Variants in GPC5 observed in about 807,000 individuals in gnomAD.
GPC5 encodes glypican-5.
GPC5 carries 47 observed loss-of-function variants against 53.9 expected under a neutral mutation model. The observed-to-expected ratio is 0.87, with a 90% CI of 0.69 to 1.11. The LOEUF is 1.11. Among genes scored for constraint, GPC5 ranks in the 50% most tolerant of loss-of-function variants. The pLI is 0.00. For missense variants in GPC5, 748 were observed against 713.1 expected (o/e 1.05, Z -0.56); for synonymous variants, 286 against 263.3 (o/e 1.09, Z -0.84).
At chr13:92,145,890 G>A (rs1460053252) in intron 7 of GPC5, among the ~76,000 whole-genome samples, 2 of 152,042 alleles carry the variant, frequency 1.3e-5, no homozygotes, top group Non-Finnish European at 2.9e-5. Context: ...CCTTTTGGTG[G>A]GAGAAGAATT....
At chr13:92,633,158 G>T (rs1396551449) in intron 7 of GPC5, among the ~76,000 whole-genome samples, 3 of 152,140 alleles carry the variant, frequency 2.0e-5, no homozygotes, top group Non-Finnish European at 2.9e-5. Context: ...CTCCCAAAGT[G>T]CTGGGATTAC....
At chr13:92,110,451 T>G (rs1460621061) in intron 6 of GPC5, among the ~76,000 whole-genome samples, 1 of 152,104 alleles carries the variant, frequency 6.6e-6, no homozygotes, top group Non-Finnish European at 1.5e-5. Context: ...ATGGCATATT[T>G]AAGGGTATTC....
At chr13:92,421,539 A>G (rs568742967) in intron 7 of GPC5, among the ~76,000 whole-genome samples, 6 of 151,958 alleles carry the variant, frequency 3.9e-5, no homozygotes, top group African/African-American at 1.4e-4. Flanking sequence ...CTCTACTAGA[A>G]ATACAAAAAA....
intron 6 of GPC5, 98 bp downstream of exon 6, chr13:91,908,155 T>C (rs1406667154): frequency 5.1e-6 from 5 of 983,780 alleles, no homozygotes; most frequent in East Asian, 5.7e-5. Flanking sequence ...TGTCAGATAA[T>C]CCTACCTAAA....
At chr13:92,078,829 C>G (rs537221740) in intron 6 of GPC5, among the ~76,000 whole-genome samples, 1 of 152,156 alleles carries the variant, frequency 6.6e-6, no homozygotes, top group Non-Finnish European at 1.5e-5. Context: ...ACTACACTAT[C>G]TCCGTCCCGT....
chr13:92,760,681 G>T (rs1382025734), intron 7 of GPC5, among the ~76,000 whole-genome samples: 1 of 148,794 alleles, frequency 6.7e-6, no homozygotes, highest in Admixed American at 6.7e-5. Flanking sequence ...TTTTATTATT[G>T]CCTTCCCTCT....
intron 6 of GPC5, among the ~76,000 whole-genome samples, chr13:92,069,780 C>G (rs529581165): frequency 6.6e-6 from 1 of 152,110 alleles, no homozygotes; most frequent in Non-Finnish European, 1.5e-5. Context: ...GGATAGAATT[C>G]CCATTTAGGA....
At chr13:91,483,851 CAG>C (rs551141076) in intron 2 of GPC5, among the ~76,000 whole-genome samples, 151 of 152,218 alleles carry the variant, frequency 9.9e-4, no homozygotes, top group Non-Finnish European at 1.7e-3. Context: ...GTGAACAAAA[CAG>C]AATTATTCTA....
intron 7 of GPC5, among the ~76,000 whole-genome samples, chr13:92,753,598 T>G (rs543551227): frequency 6.6e-6 from 1 of 152,020 alleles, no homozygotes; most frequent in Admixed American, 6.5e-5. Flanking sequence ...TTTAGAAGAA[T>G]GTATAACTAG....
At chr13:92,344,127 T>G (rs2043390252) in intron 7 of GPC5, among the ~76,000 whole-genome samples, 2 of 151,956 alleles carry the variant, frequency 1.3e-5, no homozygotes, top group African/African-American at 4.8e-5. Context: ...AGAAAAGAGG[T>G]TTAATTGACT....
intron 6 of GPC5, among the ~76,000 whole-genome samples, chr13:92,109,035 C>G (rs1213478810): frequency 1.3e-5 from 2 of 150,178 alleles, no homozygotes; most frequent in East Asian, 3.9e-4. Context: ...TCTTGTAGCG[C>G]CTTCTATGTA....
At chr13:92,165,515 G>A (rs4238300) in intron 7 of GPC5, among the ~76,000 whole-genome samples, 39,610 of 152,048 alleles carry the variant, frequency 0.26, 6,704 homozygotes, top group South Asian at 0.59. Flanking sequence ...TGACAGGAGA[G>A]AGAATGAGAG....
chr13:92,394,267 T>C (rs966376814), intron 7 of GPC5, among the ~76,000 whole-genome samples: 4 of 152,152 alleles, frequency 2.6e-5, no homozygotes, highest in African/African-American at 7.2e-5. Context: ...TCTATACATA[T>C]TTTGTGTGTG....
At chr13:92,035,084 A>G (rs947001092) in intron 6 of GPC5, among the ~76,000 whole-genome samples, 12 of 152,000 alleles carry the variant, frequency 7.9e-5, no homozygotes, top group South Asian at 2.1e-4. Flanking sequence ...TTGTGATGGC[A>G]GGCGCCTGTT....
At chr13:92,395,340 TATG>T (rs1192089311) in intron 7 of GPC5, among the ~76,000 whole-genome samples, 4 of 152,286 alleles carry the variant, frequency 2.6e-5, no homozygotes, top group Admixed American at 1.3e-4. Context: ...CTTCAAATAA[TATG>T]ATAACACTTC....
chr13:91,424,949 C>G (rs1878936036), intron 1 of GPC5, among the ~76,000 whole-genome samples: 1 of 152,112 alleles, frequency 6.6e-6, no homozygotes, highest in Non-Finnish European at 1.5e-5. Flanking sequence ...CTTAGTTAAA[C>G]CCTTGACTAG....
chr13:92,805,281 G>A (rs1590556), intron 7 of GPC5, among the ~76,000 whole-genome samples: 26,738 of 151,930 alleles, frequency 0.18, 3,432 homozygotes, highest in African/African-American at 0.35. Context: ...TATTTCTTAA[G>A]TAAGAAGACT....
intron 6 of GPC5, among the ~76,000 whole-genome samples, chr13:92,132,791 A>G (rs779238534): frequency 2.6e-5 from 4 of 152,268 alleles, no homozygotes; most frequent in Non-Finnish European, 5.9e-5. Context: ...GGGGAAAAAC[A>G]TATTTCAACC....
At chr13:91,670,692 T>G (rs2035224097) in intron 2 of GPC5, among the ~76,000 whole-genome samples, 1 of 152,134 alleles carries the variant, frequency 6.6e-6, no homozygotes, top group Non-Finnish European at 1.5e-5. Flanking sequence ...GAAGCTCATG[T>G]TTTGTCAGTT....
Sources: gnomAD v4.1 joint callset for allele counts (sites outside exome capture counted in the v4.1 genomes callset) on GRCh38, gnomAD v4.1.1 for gene constraint, MANE v1.5 for transcripts, NCBI Gene and HGNC (gene_info 2026-07-23, HGNC 2026-07-21) for gene names.